The following TUT7 variants were observed in gnomAD, a reference collection of about 807,000 sequenced individuals.
TUT7 encodes terminal uridylyltransferase 7.
In TUT7, 33 loss-of-function variants were observed where a neutral mutation model predicts 165.9. The ratio of observed to expected loss-of-function variants is 0.20; its 90% CI spans 0.15 to 0.27. The LOEUF is 0.27. Ranked by LOEUF, TUT7 falls within the 10% of genes least tolerant of loss-of-function variation. The probability of loss-of-function intolerance (pLI) is 1.00; values close to 1 mark genes in which losing one functional copy is unlikely to be tolerated. For synonymous variants in TUT7, 552 were observed against 608.1 expected (o/e 0.91, Z 1.36); for missense variants, 1,338 against 1,762.3 (o/e 0.76, Z 4.31).
rs1300247307 is a variant in TUT7 at position 86,325,616 on chromosome 9, T to C, written c.1609-102A>G. 2.8e-6 allele frequency: 3 copies of C among 1,060,310 alleles called. No individual in the cohort carries two copies. In the African/African-American group the frequency reaches 4.8e-5, roughly 17 times the overall value. 65.7% of individuals were successfully genotyped at this position (1,060,310 alleles called of 1,614,324 possible). Reference sequence around the variant, plus strand: ...TCAAATTAAAAAAATCTGGAAAACCTTAACAAAGATATAAGCCTGACAATC... The same window carrying C: ...TCAAATTAAAAAAATCTGGAAAACCCTAACAAAGATATAAGCCTGACAATC... On this transcript the variant is annotated intron_variant, in intron 11 of 26. Coordinates refer to ENST00000375963, the MANE Select transcript of TUT7 (RefSeq NM_024617.4).
intron 17 of TUT7, among the ~76,000 whole-genome samples, chr9:86,314,616 C>T: frequency 6.6e-6 from 1 of 152,138 alleles, no homozygotes; most frequent in Middle Eastern, 3.2e-3. Flanking sequence ...CACTTGGAAT[C>T]TCTCATATCT....
intron 26 of TUT7, among the ~76,000 whole-genome samples, chr9:86,292,057 T>A (rs1825941448): frequency 1.3e-5 from 2 of 152,226 alleles, no homozygotes; most frequent in Admixed American, 1.3e-4. Context: ...AGATGAGGTC[T>A]AGCTTGTTGC....
At chr9:86,353,479 A>G (rs1473778347) in intron 1 of TUT7, among the ~76,000 whole-genome samples, 1 of 152,200 alleles carries the variant, frequency 6.6e-6, no homozygotes, top group Non-Finnish European at 1.5e-5. Context: ...ATGTGTGAAT[A>G]AGAGAAGCTC....
chr9:86,336,827 TC>T (rs1464738886), intron 10 of TUT7: 10 of 152,274 alleles, frequency 6.6e-5, no homozygotes, highest in African/African-American at 2.4e-4. Flanking sequence ...CTTGAACAAA[TC>T]AACTCAACAT....
chr9:86,339,867 C>T, intron 8 of TUT7, 169 bp downstream of exon 8: 1 of 476,614 alleles, frequency 2.1e-6, no homozygotes, highest in Admixed American at 3.6e-5. Context: ...ATGAGATTTT[C>T]CCCTTTTACA....
intron 19 of TUT7, 70 bp downstream of exon 19, chr9:86,309,858 T>A: frequency 2.1e-6 from 3 of 1,418,198 alleles, no homozygotes; most frequent in Non-Finnish European, 3.0e-6. Context: ...AAAAAATAGA[T>A]TTATGTTTTC....
Position 86,304,967 on chromosome 9 carries a change from C to G in TUT7, c.3887-20G>C, listed in dbSNP as rs1231649706. On this transcript the variant is annotated intron_variant, in intron 23 of 26. Transcript: ENST00000375963. Reference sequence around the variant, plus strand: ...TTGTCACTAAAAAGAAGAGTAAGAACTCACTTAGGCGGGTTAAAAGGAAAA... The same window carrying G: ...TTGTCACTAAAAAGAAGAGTAAGAAGTCACTTAGGCGGGTTAAAAGGAAAA... 6.5e-7 allele frequency: 1 copy of G among 1,527,540 alleles called. No individual in the cohort carries two copies. Among genetic ancestry groups the G allele is most frequent in the Non-Finnish European group, 9.0e-7 (1 of 1,109,780 alleles). 94.6% of individuals were successfully genotyped at this position (1,527,540 alleles called of 1,614,324 possible).
At position 86,323,270 on chromosome 9, in the gene TUT7, A is replaced by G; in HGVS notation, c.2480T>C (p.Leu827Pro). 6.2e-7 allele frequency: 1 copy of G among 1,614,152 alleles called. No homozygotes were observed. The highest frequency in any genetic ancestry group is 8.5e-7 in the Non-Finnish European group (1 of 1,180,030). ...CTGTACTGAGTGGGTAAAGTGGTTT[A>G]GAGAGTCTTCTAGTTCCTCAGTACC... ...TEGTEELEDSLNHFTHSVQGQ... is the reference protein window; with the variant it reads ...TEGTEELEDSPNHFTHSVQGQ... The change falls in exon 13 of 27, where the codon CTA becomes CCA. Residue 827 changes from leucine to proline, a missense_variant. By Grantham distance (98) the Leu-to-Pro change is moderately conservative. Coordinates refer to ENST00000375963, the MANE Select transcript of TUT7 (RefSeq NM_024617.4).
intron 11 of TUT7, among the ~76,000 whole-genome samples, chr9:86,327,759 A>G (rs791313): frequency 0.56 from 84,703 of 152,000 alleles, 23,829 homozygotes; most frequent in African/African-American, 0.56. Flanking sequence ...TGTTTGTATA[A>G]AGCTGGGATT....
At chr9:86,308,089 G>A (rs1417266050) in intron 22 of TUT7, among the ~76,000 whole-genome samples, 3 of 152,230 alleles carry the variant, frequency 2.0e-5, no homozygotes, top group South Asian at 2.1e-4. Context: ...TCCATCAATA[G>A]CGAATGAAGA....
chr9:86,299,242 G>A (rs2131292053), intron 26 of TUT7, among the ~76,000 whole-genome samples: 1 of 152,258 alleles, frequency 6.6e-6, no homozygotes, highest in African/African-American at 2.4e-5. Flanking sequence ...AGGTGAGGGC[G>A]ATCCAAACAT....
rs559085077 is a variant in TUT7, at chr9:86,328,842, T to C, written c.1456-350A>G. On this transcript the variant is annotated intron_variant, in intron 10 of 26. Transcript: ENST00000375963. ...GTATAACCTTGAGTAAGGTACTTAC[T>C]CTCTGTAGGCCTCAGGTTCCTTTAA... is the stretch of plus-strand genomic sequence containing the variant. 7.2e-5 allele frequency among the ~76,000 whole-genome samples: 11 copies of C among 152,282 alleles called. No individual in the cohort carries two copies. The South Asian group carries it at 2.3e-3, about 32-fold the overall frequency.
At chr9:86,337,970 G>A (rs1417138485) in intron 9 of TUT7, among the ~76,000 whole-genome samples, 1 of 152,148 alleles carries the variant, frequency 6.6e-6, no homozygotes, top group Non-Finnish European at 1.5e-5. Flanking sequence ...GGCGTGGGGA[G>A]AGAACGTGGA....
intron 6 of TUT7, among the ~76,000 whole-genome samples, chr9:86,341,591 C>T (rs954113251): frequency 3.9e-5 from 6 of 152,176 alleles, no homozygotes; most frequent in African/African-American, 1.4e-4. Context: ...ACCTAGCCAT[C>T]CTAATCTCCT....
At chr9:86,299,483 A>G (rs1826682396) in intron 26 of TUT7, among the ~76,000 whole-genome samples, 1 of 152,176 alleles carries the variant, frequency 6.6e-6, no homozygotes, top group Non-Finnish European at 1.5e-5. Context: ...AACTGCCACC[A>G]AAGGAAATTC....
intron 22 of TUT7, among the ~76,000 whole-genome samples, 189 bp from the exon 23 acceptor site, chr9:86,305,428 G>C (rs1300456702): frequency 6.6e-6 from 1 of 152,270 alleles, no homozygotes; most frequent in East Asian, 1.9e-4. Flanking sequence ...AATGAGCTTA[G>C]AAGTTATAAT....
chr9:86,336,747 CA>C (rs1830815449), intron 10 of TUT7: 1 of 152,182 alleles, frequency 6.6e-6, no homozygotes, highest in African/African-American at 2.4e-5. Context: ...CAAGGGATTA[CA>C]AACAAGGTTT....
chr9:86,312,342 G>A (rs1482718707), intron 17 of TUT7, among the ~76,000 whole-genome samples: 1 of 151,350 alleles, frequency 6.6e-6, no homozygotes. Flanking sequence ...CCCTCTGCCT[G>A]GCAACCGCCC....
At chr9:86,309,414 A>G in intron 20 of TUT7, 49 bp downstream of exon 20, 1 of 1,529,584 alleles carries the variant, frequency 6.5e-7, no homozygotes, top group Non-Finnish European at 9.0e-7. Flanking sequence ...AGAAAGGCTC[A>G]GAGATCACCA....
Sources: gnomAD v4.1 joint callset for allele counts (sites outside exome capture counted in the v4.1 genomes callset) on GRCh38, gnomAD v4.1.1 for gene constraint, MANE v1.5 for transcripts, NCBI Gene and HGNC (gene_info 2026-07-23, HGNC 2026-07-21) for gene names.